The following MAP3K19 variants were observed in gnomAD, a reference collection of about 807,000 sequenced individuals.
The protein encoded by MAP3K19 is mitogen-activated protein kinase kinase kinase 19.
In MAP3K19, 91 loss-of-function variants were observed where a neutral mutation model predicts 114.4. The ratio of observed to expected loss-of-function variants is 0.80; its 90% CI spans 0.67 to 0.95. The LOEUF (loss-of-function observed/expected upper bound fraction) is 0.95. Among genes scored for constraint, MAP3K19 ranks in the 40% least tolerant of loss-of-function variants. MAP3K19 has a pLI of 0.00. For synonymous variants in MAP3K19, 518 were observed against 530.5 expected, an observed-to-expected ratio of 0.98 and a Z score of 0.32; for missense variants, 1,471 against 1,573.2, an observed-to-expected ratio of 0.94 and a Z score of 1.10.
chr2:135,011,408 G>A (rs1441253525), intron 5 of MAP3K19, among the ~76,000 whole-genome samples: 1 of 151,816 alleles, frequency 6.6e-6, no homozygotes, highest in African/African-American at 2.4e-5. Context: ...GTAGTGGCGG[G>A]CCCCTGCAGT....
chr2:134,990,667 G>C (rs1271147515), intron 9 of MAP3K19, among the ~76,000 whole-genome samples: 1 of 151,964 alleles, frequency 6.6e-6, no homozygotes, highest in Non-Finnish European at 1.5e-5. Context: ...AGTAGAGACG[G>C]AGTTTCACCA....
At chr2:135,036,260 A>G (rs896421640) in intron 2 of MAP3K19, among the ~76,000 whole-genome samples, 52 of 152,176 alleles carry the variant, frequency 3.4e-4, no homozygotes, top group African/African-American at 1.3e-3. Context: ...CTTTCTCAAA[A>G]GACAAGCCAC....
Position 134,986,913 on chromosome 2 carries a change from G to T in MAP3K19, c.1959C>A (p.Ile653=). ...TTCCAGGTCCATTAGCAGTTGAATTGATTTCTTTGAACATATCACTATACT... is the reference window on the plus strand; with the variant it reads ...TTCCAGGTCCATTAGCAGTTGAATTTATTTCTTTGAACATATCACTATACT... ...DLKYSDMFKE[I]NSTANGPGIY... The change falls in exon 10 of 13, where the codon ATC becomes ATA. Residue 653 remains isoleucine (I), a synonymous_variant. Coordinates refer to ENST00000392915, the MANE Select transcript of MAP3K19 (RefSeq NM_025052.5). The T allele has an allele frequency of 2.5e-6, 4 of 1,614,054 alleles. No homozygotes were observed. The highest frequency in any genetic ancestry group is 3.4e-6 in the Non-Finnish European group (4 of 1,180,022).
intron 12 of MAP3K19, among the ~76,000 whole-genome samples, chr2:134,970,595 CTTTTTTT>C (rs745484871): frequency 3.7e-5 from 4 of 109,578 alleles, no homozygotes; most frequent in Non-Finnish European, 7.2e-5. Context: ...GTTTGAATGC[CTTTTTTT>C]TTTTTTTTTT....
At chr2:135,033,219 C>A (rs1391054740) in intron 2 of MAP3K19, among the ~76,000 whole-genome samples, 1 of 110,044 alleles carries the variant, frequency 9.1e-6, no homozygotes, top group Non-Finnish European at 1.7e-5. Context: ...ATCTCCCAGA[C>A]GAGGCGGCTG....
chr2:135,004,222 G>T (rs767786724), intron 6 of MAP3K19, among the ~76,000 whole-genome samples: 1 of 152,210 alleles, frequency 6.6e-6, no homozygotes, highest in Non-Finnish European at 1.5e-5. Flanking sequence ...ACACCATTAG[G>T]CTTCTAAGAG....
At chr2:135,035,107 G>A (rs997062143) in intron 2 of MAP3K19, among the ~76,000 whole-genome samples, 1 of 151,398 alleles carries the variant, frequency 6.6e-6, no homozygotes, top group Non-Finnish European at 1.5e-5. Context: ...AATAAGAAAA[G>A]TTACAGAGGC....
At chr2:135,024,542 C>T in intron 4 of MAP3K19, 84 bp downstream of exon 4, 2 of 1,214,574 alleles carry the variant, frequency 1.6e-6, no homozygotes, top group Non-Finnish European at 2.4e-6. Flanking sequence ...TTAAATGGAT[C>T]CATCAAACAG....
At chr2:135,033,553 G>A (rs1340656019) in intron 2 of MAP3K19, among the ~76,000 whole-genome samples, 48 of 3,286 alleles carry the variant, frequency 0.015, 6 homozygotes, top group Admixed American at 0.025. Flanking sequence ...CCTCCCGGAC[G>A]GGGCGGCTGG....
intron 12 of MAP3K19, among the ~76,000 whole-genome samples, chr2:134,973,836 G>C (rs959610076): frequency 2.0e-5 from 3 of 152,248 alleles, no homozygotes; most frequent in African/African-American, 7.2e-5. Flanking sequence ...TCCAGGTGTA[G>C]GACTTTCTTA....
intron 6 of MAP3K19, among the ~76,000 whole-genome samples, chr2:135,003,888 A>G (rs1056557070): frequency 6.6e-6 from 1 of 152,236 alleles, no homozygotes; most frequent in African/African-American, 2.4e-5. Flanking sequence ...TTTAAAATGA[A>G]TATAATGGAC....
At chr2:134,976,196 G>C (rs1684223356) in intron 12 of MAP3K19, among the ~76,000 whole-genome samples, 1 of 152,210 alleles carries the variant, frequency 6.6e-6, no homozygotes, top group Admixed American at 6.5e-5. Flanking sequence ...GATGGAGTCT[G>C]GTGGGGGCTG....
chr2:134,987,150 G>GA lies in MAP3K19; in HGVS notation c.1721dup (p.Ala576GlyfsTer35). Reference sequence around the variant, plus strand: ...TGGGGTCCACAAGTCCCAAAGCCGGGAAAATTTGTGTTTTTATGCTGGTTT... The same window carrying GA: ...TGGGGTCCACAAGTCCCAAAGCCGGGAAAAATTTGTGTTTTTATGCTGGTTT... On this transcript the variant is annotated frameshift_variant, in exon 10 of 13. Transcript: ENST00000392915. LOFTEE classifies it high-confidence loss of function. The GA allele has an allele frequency of 6.2e-7, 1 of 1,614,150 alleles. No individual in the cohort carries two copies.
chr2:135,015,790 G>A (rs1176304846), intron 5 of MAP3K19, among the ~76,000 whole-genome samples: 1 of 152,070 alleles, frequency 6.6e-6, no homozygotes, highest in Non-Finnish European at 1.5e-5. Flanking sequence ...CAACTCGGGA[G>A]GCGGAGGCAG....
intron 1 of MAP3K19, among the ~76,000 whole-genome samples, chr2:135,046,293 G>C (rs1157486408): frequency 6.6e-6 from 1 of 151,720 alleles, no homozygotes; most frequent in Non-Finnish European, 1.5e-5. Flanking sequence ...TGTTGTTGTT[G>C]TTGTTACAGA....
In MAP3K19 at chr2:134,988,023, G is replaced by T. The variant is rs1042597746; in HGVS notation, c.849C>A (p.Phe283Leu). ...MDPTLRSSDG[F>L]IWSRNMCSFP... ...AAGAGCACATGTTTCTTGACCAAAT[G>T]AAGCCATCAGAAGACCTGAGAGTCG... The change falls in exon 10 of 13, where the codon TTC (phenylalanine) becomes TTA (leucine). Residue 283 changes from phenylalanine (F) to leucine (L), a missense_variant. Physicochemically the swap from Phe to Leu is conservative, Grantham distance 22. Coordinates refer to ENST00000392915, the MANE Select transcript of MAP3K19 (RefSeq NM_025052.5). 11 of 1,613,850 alleles carry T rather than the reference G, an allele frequency of 6.8e-6. No individual in the cohort carries two copies. The highest frequency in any genetic ancestry group is 9.3e-6 in the Non-Finnish European group (11 of 1,179,954).
At chr2:135,001,968 G>A (rs1449223556) in intron 6 of MAP3K19, among the ~76,000 whole-genome samples, 1 of 152,190 alleles carries the variant, frequency 6.6e-6, no homozygotes, top group Non-Finnish European at 1.5e-5. Context: ...AAAGATTACA[G>A]AATATTGATT....
chr2:135,037,981 C>T (rs1282415332), intron 2 of MAP3K19, among the ~76,000 whole-genome samples: 2 of 152,140 alleles, frequency 1.3e-5, no homozygotes, highest in Non-Finnish European at 2.9e-5. Flanking sequence ...CACGCTAACT[C>T]ATTAGCTGCG....
intron 9 of MAP3K19, among the ~76,000 whole-genome samples, chr2:134,990,865 C>G (rs758186685): frequency 6.6e-6 from 1 of 152,098 alleles, no homozygotes; most frequent in Non-Finnish European, 1.5e-5. Context: ...GTGTGTTAAT[C>G]AACTGTTTAT....
Sources: gnomAD v4.1 joint callset for allele counts (sites outside exome capture counted in the v4.1 genomes callset) on GRCh38, gnomAD v4.1.1 for gene constraint, MANE v1.5 for transcripts, NCBI Gene and HGNC (gene_info 2026-07-23, HGNC 2026-07-21) for gene names.